TIAM1: variants seen among roughly 807,000 people sequenced by gnomAD.
TIAM1 encodes TIAM Rac1 associated GEF 1, also known as rho guanine nucleotide exchange factor TIAM1.
Under a neutral mutation model 163.5 loss-of-function variants are expected in TIAM1, and 65 were observed. The ratio of observed to expected loss-of-function variants is 0.40; its 90% CI spans 0.33 to 0.49. TIAM1 has a LOEUF of 0.49. Among genes scored for constraint, TIAM1 ranks in the 20% least tolerant of loss-of-function variants. TIAM1 has a pLI of 0.77. For missense variants in TIAM1, 1,789 were observed against 2,044.7 expected (o/e 0.87, Z 2.41); for synonymous variants, 833 against 810.1 (o/e 1.03, Z -0.48).
At chr21:31,232,412 G>A (rs370112945) in intron 6 of TIAM1, among the ~76,000 whole-genome samples, 3 of 152,150 alleles carry the variant, frequency 2.0e-5, no homozygotes, top group South Asian at 4.1e-4. Context: ...TTTCTCAGAA[G>A]GACAATTCAA....
intron 1 of TIAM1, among the ~76,000 whole-genome samples, chr21:31,496,234 A>C (rs527940062): frequency 6.6e-6 from 1 of 152,332 alleles, no homozygotes; most frequent in South Asian, 2.1e-4. Context: ...TCACGCCTGT[A>C]ATCCCAACAC....
chr21:31,408,013 A>C (rs1369516125), intron 2 of TIAM1, among the ~76,000 whole-genome samples: 1 of 152,202 alleles, frequency 6.6e-6, no homozygotes, highest in Non-Finnish European at 1.5e-5. Flanking sequence ...GAAGGAAGTA[A>C]GAGCTCTTTG....
chr21:31,346,257 T>C (rs1368107839), upstream of TIAM1, among the ~76,000 whole-genome samples: 11 of 152,160 alleles, frequency 7.2e-5, no homozygotes. Context: ...AATTAATGTA[T>C]TCCATCTATT....
intron 3 of TIAM1, among the ~76,000 whole-genome samples, 179 bp downstream of exon 3, chr21:31,276,553 C>T (rs567229002): frequency 2.0e-5 from 3 of 152,124 alleles, no homozygotes; most frequent in African/African-American, 7.2e-5. Flanking sequence ...TTTGTTTTAA[C>T]GCTAATGCTT....
intron 2 of TIAM1, among the ~76,000 whole-genome samples, chr21:31,317,347 G>A (rs747624967): frequency 2.2e-4 from 33 of 152,118 alleles, no homozygotes; most frequent in African/African-American, 4.8e-4. Flanking sequence ...CCAGCTACGC[G>A]GGAGGCTGAG....
At chr21:31,340,743 G>A (rs549783863) in intron 1 of TIAM1, among the ~76,000 whole-genome samples, 2 of 151,910 alleles carry the variant, frequency 1.3e-5, no homozygotes, top group South Asian at 2.1e-4. Context: ...CATCTCAGTC[G>A]CTGCCAAGTT....
Position 31,223,552 on chromosome 21 carries a change from C to A in TIAM1, c.1849G>T (p.Asp617Tyr). ...AAATAACAGCGGAAACGAAACAGGT[C>A]CATTTGGAACTGCTCGAGATTTTGC... The part of the protein sequence containing the change: ...WEQNLEQFQM[D>Y]LFRFRCYLAS... The change falls in exon 8 of 28, where the codon GAC (aspartate) becomes TAC (tyrosine). Residue 617 changes from aspartate (D) to tyrosine (Y), a missense_variant. By Grantham distance (160) the Asp-to-Tyr change is radical. This residue lies in a region of TIAM1 where 456 missense variants were observed against 586.6 expected (regional missense o/e 0.78). Coordinates refer to ENST00000541036, the MANE Select transcript of TIAM1 (RefSeq NM_001353694.2). 1 of 1,607,228 alleles carries A rather than the reference C, an allele frequency of 6.2e-7. No individual in the cohort carries two copies. The highest frequency in any genetic ancestry group is 8.5e-7 in the Non-Finnish European group (1 of 1,175,720).
intron 2 of TIAM1, among the ~76,000 whole-genome samples, chr21:31,447,371 G>A (rs1446588317): frequency 1.3e-5 from 2 of 152,136 alleles, no homozygotes; most frequent in African/African-American, 4.8e-5. Context: ...AGGAGGTCAA[G>A]CCTGCAGTGA....
intron 1 of TIAM1, among the ~76,000 whole-genome samples, chr21:31,510,909 CCT>C (rs1184125235): frequency 6.6e-6 from 1 of 152,040 alleles, no homozygotes; most frequent in Non-Finnish European, 1.5e-5. Flanking sequence ...TAGGGTGGTC[CCT>C]GAGTTCCTAT....
chr21:31,229,451 T>C (rs1458106100), intron 6 of TIAM1, among the ~76,000 whole-genome samples: 1 of 152,164 alleles, frequency 6.6e-6, no homozygotes, highest in Non-Finnish European at 1.5e-5. Flanking sequence ...CCGGTTTTCA[T>C]TAAAAACTGT....
At chr21:31,372,336 A>C (rs182749015) in intron 2 of TIAM1, among the ~76,000 whole-genome samples, 6 of 152,314 alleles carry the variant, frequency 3.9e-5, no homozygotes, top group Non-Finnish European at 8.8e-5. Flanking sequence ...GCCAGTGGTC[A>C]CAGGTTATAT....
At chr21:31,478,008 G>T (rs538142054) in intron 1 of TIAM1, among the ~76,000 whole-genome samples, 34 of 152,338 alleles carry the variant, frequency 2.2e-4, no homozygotes, top group African/African-American at 7.9e-4. Context: ...ATAACAACCA[G>T]CTTAGGCAGT....
chr21:31,118,720 G>C lies in TIAM1; in HGVS notation c.*1648C>G, dbSNP rs990823740. ...ATATGGAAAAATGCAGTGATACAAA[G>C]GGTATAGAAACCATTCTAAAGCTTT... On this transcript the variant is annotated 3_prime_UTR_variant, in exon 28 of 28. Transcript: ENST00000541036. The C allele has an allele frequency of 1.1e-5, 5 of 458,654 alleles. No individual in the cohort carries two copies. The highest frequency in any genetic ancestry group is 1.0e-4 in the African/African-American group (5 of 49,088). 28.4% of individuals were successfully genotyped at this position (458,654 alleles called of 1,614,324 possible).
intron 2 of TIAM1, among the ~76,000 whole-genome samples, chr21:31,408,978 C>T (rs951109076): frequency 6.8e-6 from 1 of 147,920 alleles, no homozygotes; most frequent in East Asian, 1.9e-4. Context: ...ACACCATCAC[C>T]TGTGTCACCC....
intron 1 of TIAM1, among the ~76,000 whole-genome samples, chr21:31,509,570 T>G (rs889900777): frequency 2.0e-5 from 3 of 152,196 alleles, no homozygotes; most frequent in Non-Finnish European, 4.4e-5. Context: ...TTTCATAGCA[T>G]GTCTCATGCC....
intron 4 of TIAM1, among the ~76,000 whole-genome samples, chr21:31,257,484 GCTTATAC>G (rs924968118): frequency 4.6e-4 from 70 of 152,136 alleles, no homozygotes; most frequent in African/African-American, 1.6e-3. Context: ...CTATGTATGT[GCTTATAC>G]CTTACAGTCA....
chr21:31,505,555 TG>T, intron 1 of TIAM1, among the ~76,000 whole-genome samples: 1 of 152,170 alleles, frequency 6.6e-6, no homozygotes, highest in South Asian at 2.1e-4. Context: ...CTGGAGCCCA[TG>T]GAATTGGAAG....
At chr21:31,503,613 G>GGGGAGAGGAGT (rs2046934292) in intron 1 of TIAM1, among the ~76,000 whole-genome samples, 2 of 116,720 alleles carry the variant, frequency 1.7e-5, no homozygotes, top group Non-Finnish European at 3.7e-5. Context: ...GGGGAGGGGA[G>GGGGAGAGGAGT]GGACCTGAAA....
intron 1 of TIAM1, among the ~76,000 whole-genome samples, chr21:31,518,280 T>G (rs1365072051): frequency 2.0e-5 from 3 of 152,086 alleles, no homozygotes; most frequent in Non-Finnish European, 4.4e-5. Context: ...GGGGTTTTTT[T>G]GTGGGTTTTT....
Sources: allele counts gnomAD v4.1 joint callset (sites outside exome capture counted in the v4.1 genomes callset), GRCh38; gene constraint gnomAD v4.1.1; regional missense constraint gnomAD v4.1.1; transcripts MANE v1.5; gene names NCBI Gene and HGNC (gene_info 2026-07-23, HGNC 2026-07-21).